Variants in SYNE2 observed in about 807,000 individuals in gnomAD.
SYNE2 encodes the protein nesprin-2.
Under a neutral mutation model 856.3 loss-of-function variants are expected in SYNE2, and 431 were observed. The ratio of observed to expected loss-of-function variants is 0.50; its 90% CI spans 0.47 to 0.55. The LOEUF (loss-of-function observed/expected upper bound fraction) is 0.55. Among genes scored for constraint, SYNE2 ranks in the 20% least tolerant of loss-of-function variants. The pLI is 0.00. For missense variants in SYNE2, 8,129 were observed against 8,023.2 expected (o/e 1.01, Z -0.50); for synonymous variants, 2,923 against 2,872.3 (o/e 1.02, Z -0.56).
At chr14:63,768,574 CT>C (rs968044703) in intron 1 of SYNE2, among the ~76,000 whole-genome samples, 7 of 152,172 alleles carry the variant, frequency 4.6e-5, no homozygotes, top group African/African-American at 7.2e-5. Context: ...TGCTCAGTTG[CT>C]GCTAAAGAAA....
In SYNE2 at chr14:63,831,031, G is replaced by A. The variant is rs142820591; in HGVS notation, c.-304-21470G>A. On this transcript the variant is annotated intron_variant, in intron 1 of 23. Transcript: ENST00000674003. ...AATTTTTGTATTTTTAGCAGAGACAGGGTTTCACCAGTTTAGCCAGGCTGG... is the reference window on the plus strand; with the variant it reads ...AATTTTTGTATTTTTAGCAGAGACAAGGTTTCACCAGTTTAGCCAGGCTGG... 8.1e-3 allele frequency among the ~76,000 whole-genome samples: 1,230 copies of A among 151,978 alleles called. 22 individuals are homozygous for A. Among genetic ancestry groups the A allele is most frequent in the African/African-American group, 0.028 (1,172 of 41,472 alleles).
chr14:64,142,731 G>A (rs1446707851), intron 82 of SYNE2, among the ~76,000 whole-genome samples: 1 of 152,118 alleles, frequency 6.6e-6, no homozygotes, highest in Non-Finnish European at 1.5e-5. Context: ...CCCAATACCT[G>A]CCTTCCTCTA....
At chr14:63,904,068 T>G (rs1193324193) in intron 1 of SYNE2, among the ~76,000 whole-genome samples, 1 of 152,174 alleles carries the variant, frequency 6.6e-6, no homozygotes, top group African/African-American at 2.4e-5. Context: ...AGTGAAAACA[T>G]ATATTATTGG....
At chr14:63,849,962 T>G (rs190928076), upstream of SYNE2, among the ~76,000 whole-genome samples, 1 of 152,320 alleles carries the variant, frequency 6.6e-6, no homozygotes, top group Admixed American at 6.5e-5. Context: ...CTTGCAAAAC[T>G]TATGCTTATT....
chr14:64,225,765 A>G lies in SYNE2; in HGVS notation c.*239A>G, dbSNP rs2098716162. 1.7e-6 allele frequency: 1 copy of G among 602,526 alleles called. No individual in the cohort carries two copies. Among genetic ancestry groups the G allele is most frequent in the Admixed American group, 2.9e-5 (1 of 34,940 alleles). The allele number at this position is 602,526 out of a possible 1,614,324, so 37.3% of individuals were successfully genotyped here. ...CCGGGTATTTTGGCAGAACTAGTTG[A>G]TTAGTTTAGGGATCTCTGGAAATGT... On this transcript the variant is annotated 3_prime_UTR_variant, in exon 116 of 116. Coordinates refer to ENST00000555002, the MANE Select transcript of SYNE2 (RefSeq NM_182914.3).
At chr14:64,066,631 A>G (rs887812773) in intron 51 of SYNE2, among the ~76,000 whole-genome samples, 1 of 152,232 alleles carries the variant, frequency 6.6e-6, no homozygotes, top group Non-Finnish European at 1.5e-5. Context: ...GTGAGGCCTG[A>G]CTAGTGAATA....
At chr14:64,024,764 A>G in intron 39 of SYNE2, 148 bp from the exon 40 acceptor site, 1 of 904,764 alleles carries the variant, frequency 1.1e-6, no homozygotes, top group South Asian at 1.7e-5. Flanking sequence ...TGTTAATTAG[A>G]TTTTTTATAT....
intron 6 of SYNE2, among the ~76,000 whole-genome samples, chr14:63,944,305 T>TATATATATATATATATATATATAA (rs1351171279): frequency 7.7e-6 from 1 of 129,706 alleles, no homozygotes; most frequent in African/African-American, 2.9e-5. Flanking sequence ...TATATATATA[T>TATATATATATATATATATATATAA]ATAAATAAAT....
intron 80 of SYNE2, 48 bp downstream of exon 80, chr14:64,140,121 T>G (rs1016738069): frequency 2.5e-6 from 4 of 1,575,908 alleles, no homozygotes; most frequent in African/African-American, 1.3e-5. Flanking sequence ...CAGAAATAAA[T>G]ATCAAGGAAA....
chr14:63,811,865 G>A (rs1418796604), intron 1 of SYNE2, among the ~76,000 whole-genome samples: 1 of 151,978 alleles, frequency 6.6e-6, no homozygotes, highest in Non-Finnish European at 1.5e-5. Context: ...ATGCTTCAAA[G>A]GGCAAAAAGA....
intron 96 of SYNE2, among the ~76,000 whole-genome samples, chr14:64,182,769 C>G (rs939389553): frequency 6.6e-6 from 1 of 152,222 alleles, no homozygotes; most frequent in East Asian, 1.9e-4. Flanking sequence ...AAAATGGAGT[C>G]TCCTATGTCT....
chr14:64,003,894 G>C (rs532462759), intron 30 of SYNE2, among the ~76,000 whole-genome samples: 2 of 152,328 alleles, frequency 1.3e-5, no homozygotes, highest in South Asian at 4.1e-4. Context: ...GCAGCCTTCT[G>C]TATACCTGCT....
intron 100 of SYNE2, among the ~76,000 whole-genome samples, chr14:64,204,583 T>C (rs1204115767): frequency 1.3e-5 from 2 of 152,238 alleles, no homozygotes; most frequent in African/African-American, 4.8e-5. Flanking sequence ...CTTAGCCTTA[T>C]TTCTTCCCAT....
intron 99 of SYNE2, 61 bp from the exon 100 acceptor site, chr14:64,202,740 C>T: frequency 6.2e-7 from 1 of 1,608,836 alleles, no homozygotes; most frequent in Non-Finnish European, 8.5e-7. Flanking sequence ...AAGTATTGGG[C>T]TTTTGTTTTC....
At chr14:63,971,562 C>T (rs2096477380) in intron 11 of SYNE2, among the ~76,000 whole-genome samples, 1 of 151,370 alleles carries the variant, frequency 6.6e-6, no homozygotes, top group Non-Finnish European at 1.5e-5. Context: ...TCTTAAAATC[C>T]TCAGGACCAT....
chr14:64,160,683 C>T (rs1396783847), intron 87 of SYNE2, among the ~76,000 whole-genome samples: 4 of 152,170 alleles, frequency 2.6e-5, no homozygotes, highest in Non-Finnish European at 5.9e-5. Context: ...CAAACATTCT[C>T]ATGTATTTCA....
At chr14:64,027,259 A>G (rs1055735859) in intron 42 of SYNE2, among the ~76,000 whole-genome samples, 3 of 152,194 alleles carry the variant, frequency 2.0e-5, no homozygotes, top group Admixed American at 1.3e-4. Flanking sequence ...TGGTCAAATT[A>G]TGTAACAGAA....
At chr14:63,807,358 AAGT>A (rs1398933695) in intron 1 of SYNE2, among the ~76,000 whole-genome samples, 1 of 151,566 alleles carries the variant, frequency 6.6e-6, no homozygotes, top group Non-Finnish European at 1.5e-5. Context: ...AAAAAAAAAA[AAGT>A]AGGTCTGTAC....
chr14:64,049,518 T>C (rs1255739073), intron 46 of SYNE2, 93 bp from the exon 47 acceptor site: 3 of 1,323,094 alleles, frequency 2.3e-6, no homozygotes, highest in African/African-American at 2.9e-5. Context: ...CTTCCTGAGA[T>C]AGAGTGTGTT....
Sources: allele counts gnomAD v4.1 joint callset (sites outside exome capture counted in the v4.1 genomes callset), GRCh38; gene constraint gnomAD v4.1.1; transcripts MANE v1.5; gene names NCBI Gene and HGNC (gene_info 2026-07-23, HGNC 2026-07-21).